The following STK32B variants were observed in gnomAD, a reference collection of about 807,000 sequenced individuals.
STK32B encodes the protein serine/threonine kinase 32B.
A neutral mutation model predicts 52.6 loss-of-function variants in STK32B; 43 were observed. The ratio of observed to expected loss-of-function variants is 0.82; its 90% confidence interval spans 0.64 to 1.05. The LOEUF is 1.05. Among genes scored for constraint, STK32B ranks in the 50% least tolerant of loss-of-function variants. The pLI is 0.00. For synonymous variants in STK32B, 238 were observed against 204.3 expected (o/e 1.17, Z -1.41); for missense variants, 621 against 534.6 (o/e 1.16, Z -1.59).
intron 11 of STK32B, among the ~76,000 whole-genome samples, chr4:5,477,217 G>A (rs1050009448): frequency 6.6e-6 from 1 of 152,042 alleles, no homozygotes; most frequent in Non-Finnish European, 1.5e-5. Flanking sequence ...TTATCAGTGA[G>A]GTGTTCTGAA....
intron 3 of STK32B, among the ~76,000 whole-genome samples, chr4:5,221,105 T>C (rs112082049): frequency 4.6e-5 from 7 of 152,310 alleles, no homozygotes; most frequent in Non-Finnish European, 8.8e-5. Context: ...AGAGATGTTC[T>C]TCCTGGGAGC....
At chr4:5,021,893 A>G in the STK32B span, among the ~76,000 whole-genome samples, 2 of 152,178 alleles carry the variant, frequency 1.3e-5, no homozygotes, top group South Asian at 4.1e-4. Context: ...GTGGGGAGAC[A>G]AGGAATGAGG....
At chr4:5,190,332 C>T (rs891445710) in intron 3 of STK32B, among the ~76,000 whole-genome samples, 1 of 152,182 alleles carries the variant, frequency 6.6e-6, no homozygotes, top group Non-Finnish European at 1.5e-5. Flanking sequence ...CAGGCATCAT[C>T]TCATTCGTTC....
chr4:5,304,352 A>G (rs1352910894), intron 3 of STK32B, among the ~76,000 whole-genome samples: 2 of 151,494 alleles, frequency 1.3e-5, no homozygotes, highest in East Asian at 3.9e-4. Context: ...GATTTCTTTC[A>G]GAAGTGTTTC....
chr4:5,457,926 AGGAG>A (rs71169699), intron 8 of STK32B, among the ~76,000 whole-genome samples: 13,759 of 143,192 alleles, frequency 0.096, 908 homozygotes, highest in East Asian at 0.41. Flanking sequence ...AGAGGAAGGA[AGGAG>A]GGAGGGAGGG....
At chr4:5,494,148 C>G (rs566812442) in intron 11 of STK32B, among the ~76,000 whole-genome samples, 1 of 152,166 alleles carries the variant, frequency 6.6e-6, no homozygotes, top group Admixed American at 6.5e-5. Flanking sequence ...AACTTTCTGT[C>G]TCGTTGATCT....
intron 2 of STK32B, among the ~76,000 whole-genome samples, chr4:5,165,083 CAG>C (rs1235825297): frequency 6.6e-6 from 1 of 151,944 alleles, no homozygotes; most frequent in Non-Finnish European, 1.5e-5. Flanking sequence ...TCCTGAGAAA[CAG>C]AATTTTTCTG....
intron 9 of STK32B, among the ~76,000 whole-genome samples, chr4:5,464,323 T>A (rs1210777342): frequency 6.6e-6 from 1 of 152,238 alleles, no homozygotes; most frequent in Non-Finnish European, 1.5e-5. Context: ...AAGCCCAAGC[T>A]TGGCCTCCTC....
chr4:5,462,735 G>C (rs1717133342), intron 9 of STK32B, among the ~76,000 whole-genome samples: 1 of 152,130 alleles, frequency 6.6e-6, no homozygotes, highest in Admixed American at 6.5e-5. Context: ...CCTTTGCCTT[G>C]TACAGTGTTG....
chr4:5,331,371 CAGAGGTACCA>C lies in STK32B; in HGVS notation c.413_422del (p.Gln138ProfsTer27). 1 of 1,612,896 alleles carries C rather than the reference CAGAGGTACCA, an allele frequency of 6.2e-7. No individual in the cohort carries two copies. The highest frequency in any genetic ancestry group is 8.5e-7 in the Non-Finnish European group (1 of 1,179,390). Reference sequence around the variant, plus strand: ...GCTGGCACTGGCCCTGGAGTATCTTCAGAGGTACCACATCATCCACAGGTAACTGGGCTGC... The same window carrying C: ...GCTGGCACTGGCCCTGGAGTATCTTCCATCATCCACAGGTAACTGGGCTGC... On this transcript the variant is annotated frameshift_variant, in exon 4 of 12. Transcript: ENST00000282908. LOFTEE classifies it high-confidence loss of function.
intron 3 of STK32B, among the ~76,000 whole-genome samples, chr4:5,263,512 T>C (rs1403539216): frequency 6.6e-6 from 1 of 152,168 alleles, no homozygotes; most frequent in Non-Finnish European, 1.5e-5. Flanking sequence ...ATCCCCAAAA[T>C]ACAGCTGCCA....
At chr4:5,318,102 C>CGTGTGTGT (rs144974089) in intron 3 of STK32B, among the ~76,000 whole-genome samples, 18 of 150,870 alleles carry the variant, frequency 1.2e-4, no homozygotes, top group African/African-American at 4.4e-4. Flanking sequence ...TGCTTGTGCA[C>CGTGTGTGT]GTGTGTGTGT....
Position 5,123,296 on chromosome 4 carries a change from G to A in STK32B, c.53-16609G>A, listed in dbSNP as rs1715172075. Among the ~76,000 whole-genome samples, 3 of 152,086 alleles carry A rather than the reference G, an allele frequency of 2.0e-5. No individual in the cohort carries two copies. The South Asian group carries it at 6.2e-4, about 32-fold the overall frequency. ...TTTCTTCACTGCCTGGATCCTACAT[G>A]CCTCCCGGCTGCTATCTCTGCACCC... On this transcript the variant is annotated intron_variant, in intron 1 of 11. Coordinates refer to ENST00000282908, the MANE Select transcript of STK32B (RefSeq NM_018401.3).
chr4:5,454,686 G>C (rs116401727), intron 7 of STK32B, among the ~76,000 whole-genome samples: 4,672 of 152,152 alleles, frequency 0.031, 251 homozygotes, highest in African/African-American at 0.11. Context: ...TCAGTGCCCA[G>C]CTCCAGGATA....
intron 2 of STK32B, among the ~76,000 whole-genome samples, chr4:5,143,101 C>CTGTCTG (rs1553835236): frequency 2.2e-4 from 30 of 135,568 alleles, no homozygotes; most frequent in East Asian, 3.0e-4. Flanking sequence ...CTGTCTCTGT[C>CTGTCTG]TCTGTCTGTC....
chr4:5,313,693 G>A (rs1004096464), intron 3 of STK32B, among the ~76,000 whole-genome samples: 20 of 152,058 alleles, frequency 1.3e-4, no homozygotes, highest in Admixed American at 6.6e-4. Flanking sequence ...GCAAGGTTGT[G>A]GTCTACAACA....
the STK32B span, among the ~76,000 whole-genome samples, chr4:5,030,428 C>T: frequency 6.6e-6 from 1 of 152,198 alleles, no homozygotes; most frequent in Non-Finnish European, 1.5e-5. Flanking sequence ...CACCTGGTAA[C>T]ATTGTGAAGT....
chr4:5,452,923 C>A (rs1217340783), intron 7 of STK32B, among the ~76,000 whole-genome samples: 1 of 151,972 alleles, frequency 6.6e-6, no homozygotes, highest in Non-Finnish European at 1.5e-5. Flanking sequence ...TATTCTGACA[C>A]AGCATATCCT....
At chr4:5,307,842 C>T (rs753646837) in intron 3 of STK32B, among the ~76,000 whole-genome samples, 1 of 152,046 alleles carries the variant, frequency 6.6e-6, no homozygotes, top group Non-Finnish European at 1.5e-5. Flanking sequence ...GTGCTTTCCC[C>T]TTTCCCCTAG....
Sources: gnomAD v4.1 joint callset for allele counts (sites outside exome capture counted in the v4.1 genomes callset) on GRCh38, gnomAD v4.1.1 for gene constraint, MANE v1.5 for transcripts, NCBI Gene and HGNC (gene_info 2026-07-23, HGNC 2026-07-21) for gene names.